LAMA2: variants seen among roughly 807,000 people sequenced by gnomAD.
LAMA2 encodes the protein laminin subunit alpha-2.
Under a neutral mutation model 364.8 loss-of-function variants are expected in LAMA2, and 269 were observed. The observed-to-expected ratio is 0.74, with a 90% CI of 0.67 to 0.82. The LOEUF is 0.82. LAMA2 is among the 40% of genes least tolerant of loss of function. The pLI is 0.00. For missense variants in LAMA2, 3,807 were observed against 3,873.2 expected, an observed-to-expected ratio of 0.98 and a Z score of 0.45; for synonymous variants, 1,379 against 1,370.6, an observed-to-expected ratio of 1.01 and a Z score of -0.14.
At chr6:129,384,088 C>T (rs987866941) in intron 35 of LAMA2, among the ~76,000 whole-genome samples, 1 of 152,296 alleles carries the variant, frequency 6.6e-6, no homozygotes, top group African/African-American at 2.4e-5. Context: ...CAAGAAGAGA[C>T]AAACTCCCAA....
intron 9 of LAMA2, among the ~76,000 whole-genome samples, chr6:129,167,371 A>T (rs560845483): frequency 7.2e-6 from 1 of 138,542 alleles, no homozygotes; most frequent in African/African-American, 2.7e-5. Context: ...TCCATGTGAT[A>T]GCATTGTTCA....
chr6:129,311,182 C>T (rs1268045143), intron 22 of LAMA2, among the ~76,000 whole-genome samples: 1 of 151,488 alleles, frequency 6.6e-6, no homozygotes, highest in East Asian at 1.9e-4. Context: ...AGTGCAGTGG[C>T]GCGATCTCGG....
Position 129,454,252 on chromosome 6 carries a change from T to C in LAMA2, c.6671T>C (p.Ile2224Thr), listed in dbSNP as rs775847695. 1.7e-5 allele frequency: 27 copies of C among 1,612,300 alleles called. No homozygotes were observed. The highest frequency in any genetic ancestry group is 1.1e-4 in the South Asian group (10 of 91,030). ...VGRVEYPDLTIDDSYWYRIVA... is the reference protein window; with the variant it reads ...VGRVEYPDLTTDDSYWYRIVA... Reference sequence around the variant, plus strand: ...CGTGTAGAGTACCCAGATTTGACTATTGATGACTCATATTGGTACCGTATC... The same window carrying C: ...CGTGTAGAGTACCCAGATTTGACTACTGATGACTCATATTGGTACCGTATC... Residue 2224 changes from isoleucine (I) to threonine (T), a missense_variant, in exon 47 of 65, where the codon ATT (isoleucine) becomes ACT (threonine). Ile to Thr is a moderately conservative substitution (Grantham distance 89). Transcript: ENST00000421865.
At chr6:129,054,084 C>G (rs1365359216) in intron 2 of LAMA2, among the ~76,000 whole-genome samples, 1 of 152,114 alleles carries the variant, frequency 6.6e-6, no homozygotes, top group African/African-American at 2.4e-5. Context: ...CAGCAGTCAG[C>G]AGAAAGTGTT....
intron 10 of LAMA2, among the ~76,000 whole-genome samples, chr6:129,186,990 G>A (rs1781264721): frequency 6.6e-6 from 1 of 151,736 alleles, no homozygotes; most frequent in African/African-American, 2.4e-5. Flanking sequence ...ATAAAGCAAC[G>A]ATAAGAAATA....
In LAMA2 at chr6:129,516,559, ATTCT is replaced by A; in HGVS notation, c.*213_*216del. On this transcript the variant is annotated 3_prime_UTR_variant, in exon 65 of 65. Coordinates refer to ENST00000421865, the MANE Select transcript of LAMA2 (RefSeq NM_000426.4). The stretch of plus-strand genomic sequence containing the variant: ...TAAATAATATTAAACTGATTATTTC[ATTCT>A]AAATAATTGCCTGTTTTGTGTGATT... The A allele has an allele frequency of 1.8e-6, 1 of 570,414 alleles. No individual in the cohort carries two copies. The allele number at this position is 570,414 out of a possible 1,614,324, so 35.3% of individuals were successfully genotyped here.
intron 1 of LAMA2, among the ~76,000 whole-genome samples, chr6:128,967,167 A>T (rs1318900711): frequency 6.6e-6 from 1 of 152,214 alleles, no homozygotes; most frequent in African/African-American, 2.4e-5. Context: ...AGAGAGCAGC[A>T]TCAGGGAATG....
chr6:129,201,668 C>G (rs1782296322), intron 12 of LAMA2, among the ~76,000 whole-genome samples: 1 of 152,088 alleles, frequency 6.6e-6, no homozygotes, highest in Non-Finnish European at 1.5e-5. Flanking sequence ...AAGTCCAATA[C>G]TATTTAATTA....
chr6:128,982,861 G>A (rs1267133292), intron 1 of LAMA2, among the ~76,000 whole-genome samples: 4 of 149,750 alleles, frequency 2.7e-5, no homozygotes, highest in Admixed American at 2.0e-4. Flanking sequence ...AACATGCGGT[G>A]TTTGGTTTTT....
At chr6:129,267,811 G>C (rs1440736280) in intron 16 of LAMA2, among the ~76,000 whole-genome samples, 1 of 152,102 alleles carries the variant, frequency 6.6e-6, no homozygotes, top group Non-Finnish European at 1.5e-5. Flanking sequence ...TTTACAAAGT[G>C]CAAAGCACTT....
chr6:129,390,916 G>T (rs1779281375), intron 35 of LAMA2, among the ~76,000 whole-genome samples: 1 of 152,094 alleles, frequency 6.6e-6, no homozygotes. Flanking sequence ...GCTATTGCTG[G>T]AAAGTGTCCT....
intron 15 of LAMA2, among the ~76,000 whole-genome samples, chr6:129,265,770 T>C (rs1176466677): frequency 1.3e-5 from 2 of 151,920 alleles, no homozygotes; most frequent in Non-Finnish European, 2.9e-5. Context: ...ATGTAGATGA[T>C]GGGTTGATGG....
At chr6:129,036,410 C>A (rs545236916) in intron 1 of LAMA2, among the ~76,000 whole-genome samples, 1 of 152,044 alleles carries the variant, frequency 6.6e-6, no homozygotes, top group Non-Finnish European at 1.5e-5. Context: ...CATAGTGGAC[C>A]TTGTAGCCCT....
intron 4 of LAMA2, among the ~76,000 whole-genome samples, chr6:129,113,438 A>G (rs1005511250): frequency 6.6e-6 from 1 of 152,060 alleles, no homozygotes. Context: ...GCCGAAAAGC[A>G]TCTGAGAATT....
chr6:129,299,036 T>C (rs1328168434), intron 21 of LAMA2, among the ~76,000 whole-genome samples: 1 of 152,020 alleles, frequency 6.6e-6, no homozygotes, highest in Admixed American at 6.6e-5. Flanking sequence ...TAAATACATA[T>C]AGTAACAAAT....
intron 35 of LAMA2, among the ~76,000 whole-genome samples, chr6:129,384,493 C>T (rs563443390): frequency 1.3e-5 from 2 of 152,280 alleles, no homozygotes; most frequent in African/African-American, 2.4e-5. Context: ...AGAATAAATG[C>T]TAGCATATGT....
chr6:129,516,177 T>C lies in LAMA2; in HGVS notation c.9212-13T>C. On this transcript the variant is annotated splice_polypyrimidine_tract_variant and intron_variant, in intron 64 of 64. Transcript: ENST00000421865. Reference sequence around the variant, plus strand: ...CATTTCAAAGCTGAGCCCTCTTGCATTGCCTTTTTCAGATGACCTCAAGCA... The same window carrying C: ...CATTTCAAAGCTGAGCCCTCTTGCACTGCCTTTTTCAGATGACCTCAAGCA... 1 of 1,614,102 alleles carries C rather than the reference T, an allele frequency of 6.2e-7. No homozygotes were observed. Among genetic ancestry groups the C allele is most frequent in the East Asian group, 2.2e-5 (1 of 44,886 alleles).
intron 1 of LAMA2, among the ~76,000 whole-genome samples, chr6:128,970,818 A>G (rs764077748): frequency 6.6e-6 from 1 of 152,190 alleles, no homozygotes; most frequent in Non-Finnish European, 1.5e-5. Flanking sequence ...CATGAGTTCA[A>G]TTCTAATTAA....
intron 12 of LAMA2, among the ~76,000 whole-genome samples, chr6:129,227,469 C>T (rs1784377647): frequency 6.6e-6 from 1 of 152,094 alleles, no homozygotes; most frequent in Admixed American, 6.6e-5. Flanking sequence ...GTTTTATCTA[C>T]CTTTGGTCTT....
Sources: allele counts gnomAD v4.1 joint callset (sites outside exome capture counted in the v4.1 genomes callset), GRCh38; gene constraint gnomAD v4.1.1; transcripts MANE v1.5; gene names NCBI Gene and HGNC (gene_info 2026-07-23, HGNC 2026-07-21).